RAD51B: variants seen among roughly 807,000 people sequenced by gnomAD.
RAD51B encodes DNA repair protein RAD51 homolog 2.
In RAD51B, 38 loss-of-function variants were observed where a neutral mutation model predicts 42.2. That is an observed-to-expected ratio of 0.90 (90% CI 0.70 to 1.18). The LOEUF is 1.18. RAD51B is among the 50% of genes most tolerant of loss of function. The pLI is 0.00. For missense variants in RAD51B, 373 were observed against 400.7 expected (o/e 0.93, Z 0.59); for synonymous variants, 154 against 145.2 (o/e 1.06, Z -0.43).
At chr14:68,335,444 C>T (rs942850641) in intron 8 of RAD51B, among the ~76,000 whole-genome samples, 2 of 152,136 alleles carry the variant, frequency 1.3e-5, no homozygotes, top group African/African-American at 4.8e-5. Flanking sequence ...ACTTTAGTCT[C>T]TTAGTAATTT....
intron 10 of RAD51B, among the ~76,000 whole-genome samples, chr14:68,609,095 C>G (rs1211618347): frequency 6.6e-6 from 1 of 152,192 alleles, no homozygotes; most frequent in Admixed American, 6.5e-5. Flanking sequence ...GGCTCTTGTG[C>G]CCCCGCCTCT....
In RAD51B at chr14:68,063,109, TG is replaced by T. The variant is rs551767082; in HGVS notation, c.756+175911del. Among the ~76,000 whole-genome samples the T allele has an allele frequency of 3.5e-3, 527 of 152,196 alleles. 5 individuals carry two copies. Among genetic ancestry groups the T allele is most frequent in the African/African-American group, 0.012 (512 of 41,548 alleles). ...AATGTCTCCATTTTTTATTTTATTTTGGGGGGTTTTCTTTCTCTCTTTTTTG... is the reference window on the plus strand; with the variant it reads ...AATGTCTCCATTTTTTATTTTATTTTGGGGGTTTTCTTTCTCTCTTTTTTG... On this transcript the variant is annotated intron_variant, in intron 7 of 10. Transcript: ENST00000471583.
At chr14:68,125,361 C>T (rs1449455140) in intron 7 of RAD51B, 2 of 152,198 alleles carry the variant, frequency 1.3e-5, no homozygotes, top group Non-Finnish European at 1.5e-5. Flanking sequence ...TCTGCTGGCT[C>T]ATCAAGGGGC....
At position 68,468,735 on chromosome 14, in the gene RAD51B, T is replaced by A. The variant is rs1566901700; in HGVS notation, c.1036+485T>A. 1.0e-5 allele frequency: 3 copies of A among 301,322 alleles called. No homozygotes were observed. The East Asian group carries it at 2.5e-4, about 25-fold the overall frequency. The allele number at this position is 301,322 out of a possible 1,614,324, so 18.7% of individuals were successfully genotyped here. A position where few individuals can be genotyped will look rare whatever the true frequency, so the allele number is the denominator to read the frequency against. ...ACTCCTTCTGGTTATCTTGTTTCCT[T>A]TTCCTGTCCTGTCCTGACATGGTCT... On this transcript the variant is annotated intron_variant, in intron 10 of 10. Coordinates refer to ENST00000471583, the MANE Select transcript of RAD51B (RefSeq NM_133510.4).
chr14:68,484,509 C>G lies in RAD51B; in HGVS notation c.1036+16259C>G, dbSNP rs541640883. Among the ~76,000 whole-genome samples, 256 of 152,186 alleles carry G rather than the reference C, an allele frequency of 1.7e-3. 1 individual carries two copies. The highest frequency in any genetic ancestry group is 5.5e-3 in the African/African-American group (228 of 41,504). ...AGTAGCTGGGACTACAGGCGCCCAC[C>G]ACCACGCCCGGCTAATTTTTTGTAT... On this transcript the variant is annotated intron_variant, in intron 10 of 10. Transcript: ENST00000487270.
At position 67,835,086 on chromosome 14, in the gene RAD51B, G is replaced by A. The variant is rs763423579; in HGVS notation, c.205G>A (p.Gly69Arg). The change falls in exon 4 of 11, where the codon GGG (glycine) becomes AGG (arginine). Residue 69 changes from glycine (G) to arginine (R), a missense_variant. By Grantham distance (125) the Gly-to-Arg change is moderately radical. Coordinates refer to ENST00000471583, the MANE Select transcript of RAD51B (RefSeq NM_133510.4). ...ACAPKMQTAY[G>R]IKAQRSADFS... Reference sequence around the variant, plus strand: ...TAATCATTTTCTTGTTTAGGCTTATGGGATAAAAGCACAAAGGTCTGCTGA... The same window carrying A: ...TAATCATTTTCTTGTTTAGGCTTATAGGATAAAAGCACAAAGGTCTGCTGA... 5.6e-6 allele frequency: 9 copies of A among 1,607,860 alleles called. No homozygotes were observed. Among genetic ancestry groups the A allele is most frequent in the Non-Finnish European group, 7.7e-6 (9 of 1,174,802 alleles).
intron 10 of RAD51B, among the ~76,000 whole-genome samples, chr14:68,534,917 G>A (rs1459634452): frequency 6.6e-6 from 1 of 152,030 alleles, no homozygotes; most frequent in East Asian, 1.9e-4. Flanking sequence ...TGTGCCAAGG[G>A]TACTAGTAAG....
rs544637248 is a variant in RAD51B, at chr14:68,081,280, T to A, written c.756+194076T>A. Reference sequence around the variant, plus strand: ...TAACTGATACTGAGTTGTTTTTTGTTTTTCTGTCTGAAGTGGCCAGAGATT... The same window carrying A: ...TAACTGATACTGAGTTGTTTTTTGTATTTCTGTCTGAAGTGGCCAGAGATT... On this transcript the variant is annotated intron_variant, in intron 7 of 10. Coordinates refer to ENST00000471583, the MANE Select transcript of RAD51B (RefSeq NM_133510.4). 2.6e-3 allele frequency among the ~76,000 whole-genome samples: 403 copies of A among 152,322 alleles called. 2 individuals carry two copies. The highest frequency in any genetic ancestry group is 3.8e-3 in the Non-Finnish European group (257 of 68,020).
At chr14:68,652,651 C>T (rs73287710) in intron 11 of RAD51B, among the ~76,000 whole-genome samples, 3,953 of 152,322 alleles carry the variant, frequency 0.026, 151 homozygotes, top group African/African-American at 0.074. Context: ...TCCTTCCATT[C>T]AATCACCTCC....
chr14:68,059,672 A>T (rs1348195451), intron 7 of RAD51B, among the ~76,000 whole-genome samples: 1 of 152,186 alleles, frequency 6.6e-6, no homozygotes, highest in East Asian at 1.9e-4. Context: ...TTTTTTCTAT[A>T]TGCGTCATAA....
intron 6 of RAD51B, chr14:67,886,739 C>T: frequency 3.5e-6 from 1 of 282,054 alleles, no homozygotes; most frequent in Non-Finnish European, 6.6e-6. Context: ...AAGTGTGGGC[C>T]ATTTTGCAGA....
intron 8 of RAD51B, among the ~76,000 whole-genome samples, chr14:68,371,693 TAAAC>T (rs943334783): frequency 5.3e-5 from 8 of 151,744 alleles, no homozygotes; most frequent in African/African-American, 9.7e-5. Flanking sequence ...ACAAAAAAAA[TAAAC>T]AAAATTAACC....
intron 7 of RAD51B, among the ~76,000 whole-genome samples, chr14:67,919,434 T>C (rs1315866898): frequency 2.0e-5 from 3 of 152,168 alleles, no homozygotes; most frequent in East Asian, 1.9e-4. Flanking sequence ...GTAAATTCTT[T>C]ACTGGAAAAA....
In RAD51B at chr14:68,282,558, C is replaced by T. The variant is rs117445010; in HGVS notation, c.757-9326C>T. Among the ~76,000 whole-genome samples, 852 of 152,168 alleles carry T rather than the reference C, an allele frequency of 5.6e-3. 9 individuals are homozygous for T. Among genetic ancestry groups the T allele is most frequent in the Middle Eastern group, 0.01 (3 of 294 alleles). ...ACACAGACAGCATTGCTTCAGCTGCCCCCACCCCTCCTTTTAAAAATAACA... is the reference window on the plus strand; with the variant it reads ...ACACAGACAGCATTGCTTCAGCTGCTCCCACCCCTCCTTTTAAAAATAACA... On this transcript the variant is annotated intron_variant, in intron 7 of 10. Coordinates refer to ENST00000471583, the MANE Select transcript of RAD51B (RefSeq NM_133510.4).
intron 9 of RAD51B, among the ~76,000 whole-genome samples, chr14:68,428,345 A>AT (rs1284007756): frequency 2.0e-5 from 3 of 151,972 alleles, no homozygotes; most frequent in Non-Finnish European, 2.9e-5. Context: ...TGCATTTTAA[A>AT]TTTTTTTTAA....
At chr14:67,899,890 G>A (rs899163483) in intron 7 of RAD51B, among the ~76,000 whole-genome samples, 24 of 152,198 alleles carry the variant, frequency 1.6e-4, no homozygotes, top group African/African-American at 5.8e-4. Flanking sequence ...CTAGTAAGTG[G>A]AAGGGCTTGA....
At chr14:68,491,284 G>GA (rs544666280) in intron 10 of RAD51B, among the ~76,000 whole-genome samples, 62 of 152,240 alleles carry the variant, frequency 4.1e-4, no homozygotes, top group Non-Finnish European at 7.8e-4. Flanking sequence ...TATGATGTGG[G>GA]ATATACTAGG....
intron 7 of RAD51B, among the ~76,000 whole-genome samples, chr14:68,277,990 G>T (rs539627675): frequency 6.6e-6 from 1 of 152,192 alleles, no homozygotes; most frequent in South Asian, 2.1e-4. Context: ...TGATCTGCCC[G>T]TCTTGGCCTC....
At chr14:68,553,529 T>C (rs942048566) in intron 10 of RAD51B, among the ~76,000 whole-genome samples, 5 of 151,996 alleles carry the variant, frequency 3.3e-5, no homozygotes, top group African/African-American at 1.2e-4. Context: ...GGCTGGGGAC[T>C]TGGGGAGGGT....
Sources: gnomAD v4.1 joint callset for allele counts (sites outside exome capture counted in the v4.1 genomes callset) on GRCh38, gnomAD v4.1.1 for gene constraint, MANE v1.5 for transcripts, NCBI Gene and HGNC (gene_info 2026-07-23, HGNC 2026-07-21) for gene names.